Variants in NPTX2 observed in about 807,000 individuals in gnomAD.
NPTX2 encodes neuronal pentraxin 2.
Under a neutral mutation model 38.1 loss-of-function variants are expected in NPTX2, and 23 were observed. That is an observed-to-expected ratio of 0.60 (90% CI 0.43 to 0.85). The LOEUF is 0.85. NPTX2 is among the 40% of genes least tolerant of loss of function. NPTX2 has a pLI of 0.00. For missense variants in NPTX2, 553 were observed against 615.3 expected, an observed-to-expected ratio of 0.90 and a Z score of 1.07; for synonymous variants, 291 against 287.3, an observed-to-expected ratio of 1.01 and a Z score of -0.13.
At chr7:98,626,386 G>A (rs955976250) in intron 3 of NPTX2, among the ~76,000 whole-genome samples, 2 of 151,956 alleles carry the variant, frequency 1.3e-5, no homozygotes, top group African/African-American at 2.4e-5. Flanking sequence ...GCCCTGGGTG[G>A]AGTCTGTCGA....
Position 98,627,357 on chromosome 7 carries a change from C to A in NPTX2, c.1068+13C>A, listed in dbSNP as rs370687247. On this transcript the variant is annotated intron_variant, in intron 4 of 4. Coordinates refer to ENST00000265634, the MANE Select transcript of NPTX2 (RefSeq NM_002523.3). ...TGGACAAGAGCAGGTGGGTGCAGGGCAGGTGCAGGTGGGCACAGGGTGGGT... is the reference window on the plus strand; with the variant it reads ...TGGACAAGAGCAGGTGGGTGCAGGGAAGGTGCAGGTGGGCACAGGGTGGGT... 15 of 1,610,088 alleles carry A rather than the reference C, an allele frequency of 9.3e-6. No individual in the cohort carries two copies. In the African/African-American group the frequency reaches 1.6e-4, roughly 17 times the overall value.
At chr7:98,623,007 T>C (rs1474914544) in intron 2 of NPTX2, among the ~76,000 whole-genome samples, 1 of 152,134 alleles carries the variant, frequency 6.6e-6, no homozygotes, top group East Asian at 1.9e-4. Flanking sequence ...TATTATTCAC[T>C]CTGAGGGACA....
rs1457758331 is a variant in NPTX2 at position 98,625,040 on chromosome 7, G to A, written c.762G>A (p.Leu254=). The A allele has an allele frequency of 1.9e-6, 3 of 1,613,634 alleles. No homozygotes were observed. The highest frequency in any genetic ancestry group is 2.5e-6 in the Non-Finnish European group (3 of 1,180,050). The part of the protein sequence containing the change: ...LPELYAFTIC[L]WLRSSASPGI... ...AGCTGTACGCCTTCACCATCTGCCT[G>A]TGGCTGCGGTCCAGCGCCTCACCAG... Residue 254 remains leucine, a synonymous_variant, in exon 3 of 5, where the codon CTG becomes CTA. Transcript: ENST00000265634.
intron 2 of NPTX2, among the ~76,000 whole-genome samples, chr7:98,621,570 CCTCCACATGTA>C (rs775005837): frequency 6.6e-6 from 1 of 152,318 alleles, no homozygotes; most frequent in Non-Finnish European, 1.5e-5. Flanking sequence ...AACGCCCAGC[CCTCCACATGTA>C]CTATGATTGG....
At chr7:98,623,605 A>T (rs1791303253) in intron 2 of NPTX2, among the ~76,000 whole-genome samples, 1 of 152,216 alleles carries the variant, frequency 6.6e-6, no homozygotes, top group Non-Finnish European at 1.5e-5. Flanking sequence ...GGAGGAAAAG[A>T]GCAAAGTGCT....
chr7:98,625,076 C>T lies in NPTX2; in HGVS notation c.798C>T (p.Thr266=), dbSNP rs1791327052. 3 of 1,613,222 alleles carry T rather than the reference C, an allele frequency of 1.9e-6. No homozygotes were observed. The African/African-American group carries it at 4.0e-5, about 22-fold the overall frequency. The change falls in exon 3 of 5, where the codon ACC becomes ACT. Residue 266 remains threonine (T), a synonymous_variant. Transcript: ENST00000265634. ...LRSSASPGIG[T]PFSYAVPGQA... ...CCAGCGCCTCACCAGGCATTGGCAC[C>T]CCCTTCTCCTATGCGGTGCCAGGGC...
At chr7:98,621,191 A>G (rs1584141168) in intron 2 of NPTX2, among the ~76,000 whole-genome samples, 1 of 152,092 alleles carries the variant, frequency 6.6e-6, no homozygotes, top group East Asian at 1.9e-4. Context: ...TTGGCCACCC[A>G]GAAGCTGCCA....
intron 2 of NPTX2, among the ~76,000 whole-genome samples, chr7:98,624,721 C>T (rs181610625): frequency 5.9e-5 from 9 of 152,322 alleles, no homozygotes; most frequent in African/African-American, 2.2e-4. Context: ...ACAAGGACTC[C>T]ATCTTGTGTC....
intron 4 of NPTX2, 65 bp from the exon 5 acceptor site, chr7:98,628,337 G>A: frequency 2.7e-6 from 2 of 737,440 alleles, no homozygotes; most frequent in Non-Finnish European, 4.7e-6. Context: ...TCTCCTGTCT[G>A]CAGCCCGTGT....
chr7:98,618,585 TCCCCCTCCGTCCCC>T (rs1791219136), intron 1 of NPTX2, among the ~76,000 whole-genome samples: 1 of 18,046 alleles, frequency 5.5e-5, no homozygotes, highest in Non-Finnish European at 9.6e-5. Context: ...CCTCCCCCCC[TCCCCCTCCGTCCCC>T]CCCCCCCGCC....
Position 98,617,619 on chromosome 7 carries a change from A to G in NPTX2, c.158A>G (p.Gln53Arg). 6.7e-7 allele frequency: 1 copy of G among 1,491,008 alleles called. No individual in the cohort carries two copies. The highest frequency in any genetic ancestry group is 8.9e-7 in the Non-Finnish European group (1 of 1,128,198). 92.4% of individuals were successfully genotyped at this position (1,491,008 alleles called of 1,614,324 possible). A position where few individuals can be genotyped will look rare whatever the true frequency, so the allele number is the denominator to read the frequency against. ...GCGATGCCCATGCAGGGCGGCGCGC[A>G]GAGTCCCGAGGAGGAGCTGAGGGCC... ...LPAMPMQGGA[Q>R]SPEEELRAAV... Residue 53 changes from glutamine to arginine, a missense_variant, in exon 1 of 5, where the codon CAG (glutamine) becomes CGG (arginine). Coordinates refer to ENST00000265634, the MANE Select transcript of NPTX2 (RefSeq NM_002523.3).
At position 98,617,606 on chromosome 7, in the gene NPTX2, C is replaced by T; in HGVS notation, c.145C>T (p.Gln49Ter). ...CTGCCCGCTGCCCGCGATGCCCATG[C>T]AGGGCGGCGCGCAGAGTCCCGAGGA... ...AGCPLPAMPM[Q>*]GGAQSPEEEL... Residue 49 changes from glutamine to a stop codon, truncating the protein, a stop_gained, in exon 1 of 5, where the codon CAG becomes TAG. Coordinates refer to ENST00000265634, the MANE Select transcript of NPTX2 (RefSeq NM_002523.3). LOFTEE classifies it high-confidence loss of function. 1.3e-6 allele frequency: 2 copies of T among 1,489,598 alleles called. No homozygotes were observed. Among genetic ancestry groups the T allele is most frequent in the East Asian group, 2.8e-5 (1 of 35,096 alleles). 92.3% of individuals were successfully genotyped at this position (1,489,598 alleles called of 1,614,324 possible).
chr7:98,625,276 C>T (rs1435827087), intron 3 of NPTX2, 110 bp downstream of exon 3: 8 of 1,392,516 alleles, frequency 5.7e-6, no homozygotes, highest in Non-Finnish European at 7.7e-6. Context: ...AGCAGTGTCC[C>T]AGACATGGGA....
At chr7:98,627,860 C>T (rs1456189161) in intron 4 of NPTX2, among the ~76,000 whole-genome samples, 13 of 152,142 alleles carry the variant, frequency 8.5e-5, no homozygotes, top group Non-Finnish European at 1.8e-4. Context: ...TTAGGTAATC[C>T]ATAGTGGGTG....
At chr7:98,619,913 T>TG in intron 2 of NPTX2, 54 bp downstream of exon 2, 2 of 1,484,332 alleles carry the variant, frequency 1.3e-6, no homozygotes, top group Admixed American at 3.6e-5. Flanking sequence ...TCACCACTTG[T>TG]GGTCAGACAT....
At chr7:98,617,913 G>C (rs1185024203) in intron 1 of NPTX2, 26 bp downstream of exon 1, 2 of 1,538,698 alleles carry the variant, frequency 1.3e-6, no homozygotes, top group Admixed American at 2.0e-5. Context: ...GAGCGCGGGG[G>C]ACCTGGAATG....
intron 1 of NPTX2, among the ~76,000 whole-genome samples, chr7:98,618,271 G>A (rs907325748): frequency 2.0e-4 from 31 of 152,278 alleles, no homozygotes; most frequent in African/African-American, 7.0e-4. Context: ...CGCGAGCCGG[G>A]ATGCGCTCCC....
intron 2 of NPTX2, among the ~76,000 whole-genome samples, chr7:98,621,554 T>A (rs1327909214): frequency 6.6e-6 from 1 of 152,292 alleles, no homozygotes; most frequent in East Asian, 1.9e-4. Flanking sequence ...TGTAGAGAGA[T>A]GAGTAAACGC....
At chr7:98,618,282 G>T (rs1303106236) in intron 1 of NPTX2, among the ~76,000 whole-genome samples, 2 of 152,062 alleles carry the variant, frequency 1.3e-5, no homozygotes, top group Non-Finnish European at 2.9e-5. Context: ...ATGCGCTCCC[G>T]CAGGCCGTGC....
Sources: gnomAD v4.1 joint callset for allele counts (sites outside exome capture counted in the v4.1 genomes callset) on GRCh38, gnomAD v4.1.1 for gene constraint, MANE v1.5 for transcripts, NCBI Gene and HGNC (gene_info 2026-07-23, HGNC 2026-07-21) for gene names.